Variants in PDCD1 observed in about 807,000 individuals in gnomAD.
PDCD1 encodes the protein programmed cell death 1.
In PDCD1, 10 loss-of-function variants were observed where a neutral mutation model predicts 23.6. The ratio of observed to expected loss-of-function variants is 0.42; its 90% CI spans 0.26 to 0.72. The LOEUF is 0.72. Ranked by LOEUF, PDCD1 falls within the 30% of genes least tolerant of loss-of-function variation. The pLI is 0.24. For synonymous variants in PDCD1, 168 were observed against 169.3 expected (o/e 0.99, Z 0.06); for missense variants, 313 against 397.8 (o/e 0.79, Z 1.81).
At chr2:241,853,453 T>C (rs1700951543) in intron 1 of PDCD1, among the ~76,000 whole-genome samples, 1 of 152,250 alleles carries the variant, frequency 6.6e-6, no homozygotes, top group Admixed American at 6.5e-5. Flanking sequence ...GGGTCCAGTC[T>C]TTGCCCCCTT....
rs138031190 is a variant in PDCD1 at position 241,852,644 on chromosome 2, A to T, written c.413T>A (p.Leu138Gln). The T allele has an allele frequency of 8.1e-5, 130 of 1,612,374 alleles. 1 individual carries two copies. In the African/African-American group the frequency reaches 1.5e-3, roughly 18 times the overall value. ...ACCTGTCACCCTGAGCTCTGCCCGC[A>T]GGCTCTCTTTGATCTGCGCCTTGGG... ...LAPKAQIKESLRAELRVTERR... is the reference protein window; with the variant it reads ...LAPKAQIKESQRAELRVTERR... The change falls in exon 2 of 5, where the codon CTG (leucine) becomes CAG (glutamine). Residue 138 changes from leucine (L) to glutamine (Q), a missense_variant. Around this residue, in one of 3 missense-constraint regions of PDCD1, gnomAD observed 20 missense variants for 53.3 expected, o/e 0.38. Coordinates refer to ENST00000334409, the MANE Select transcript of PDCD1 (RefSeq NM_005018.3).
chr2:241,852,481 C>A, intron 2 of PDCD1, 128 bp from the exon 3 acceptor site: 2 of 1,194,982 alleles, frequency 1.7e-6, no homozygotes, highest in East Asian at 2.5e-5. Context: ...TCACCATTCC[C>A]CAGGTGCAGG....
chr2:241,852,975 G>A lies in PDCD1; in HGVS notation c.82C>T (p.Pro28Ser), dbSNP rs750373757. 7.7e-6 allele frequency: 12 copies of A among 1,554,984 alleles called. No individual in the cohort carries two copies. The highest frequency in any genetic ancestry group is 1.0e-5 in the Non-Finnish European group (12 of 1,156,376). ...GWRPGWFLDS[P>S]DRPWNPPTFS... ...GTGGGGGGGTTCCAGGGCCTGTCTG[G>A]GGAGTCTGAGAGATGGAGAGAGGTG... The change falls in exon 2 of 5, where the codon CCA becomes TCA. Residue 28 changes from proline (P) to serine (S), a missense_variant. By Grantham distance (74) the Pro-to-Ser change is moderately conservative. Around this residue, in one of 3 missense-constraint regions of PDCD1, gnomAD observed 135 missense variants for 166.9 expected, o/e 0.81. Coordinates refer to ENST00000334409, the MANE Select transcript of PDCD1 (RefSeq NM_005018.3).
rs773454593 is a variant in PDCD1 at position 241,851,953 on chromosome 2, G to T, written c.623C>A (p.Pro208His). 1 of 1,613,714 alleles carries T rather than the reference G, an allele frequency of 6.2e-7. No homozygotes were observed. Among genetic ancestry groups the T allele is most frequent in the South Asian group, 1.1e-5 (1 of 91,072 alleles). The change falls in exon 4 of 5, where the codon CCC becomes CAC. Residue 208 changes from proline (P) to histidine (H), a missense_variant. Physicochemically the swap from Pro to His is moderately conservative, Grantham distance 77. Around this residue, in one of 3 missense-constraint regions of PDCD1, gnomAD observed 158 missense variants for 177.5 expected, o/e 0.89. Coordinates refer to ENST00000334409, the MANE Select transcript of PDCD1 (RefSeq NM_005018.3). ...CAGGAAAAGAGTGAGACTCACCAGG[G>T]GCTGGCCGGTGCGCCTGGCTCCTAT... Reference protein sequence around the residue: ...GTIGARRTGQPLKEDPSAVPV... With the variant: ...GTIGARRTGQHLKEDPSAVPV...
In PDCD1 at chr2:241,850,954, G is replaced by A. The variant is rs565440440; in HGVS notation, c.*104C>T. On this transcript the variant is annotated 3_prime_UTR_variant, in exon 5 of 5. Transcript: ENST00000334409. ...TCGCCCCCAGGCAGCTCAGCCCCTG[G>A]ACGGCCTGCAATGGCCTGCACCCTG... 6.9e-7 allele frequency: 1 copy of A among 1,441,182 alleles called. No individual in the cohort carries two copies. The highest frequency in any genetic ancestry group is 1.4e-5 in the African/African-American group (1 of 70,368). The allele number at this position is 1,441,182 out of a possible 1,614,324, so 89.3% of individuals were successfully genotyped here.
Position 241,852,200 on chromosome 2 carries a change from C to A in PDCD1, c.590G>T (p.Arg197Leu). ...CCGAGGGGCTGGGATGACGTTACCT[C>A]GTGCGGCCCGGGAGCAGATGACGGC... ...VLAVICSRAA[R>L]GTIGARRTGQ... The change falls in exon 3 of 5, where the codon CGA becomes CTA. Residue 197 changes from arginine to leucine, a missense_variant and splice_region_variant. Physicochemically the swap from Arg to Leu is moderately radical, Grantham distance 102. Coordinates refer to ENST00000334409, the MANE Select transcript of PDCD1 (RefSeq NM_005018.3). 1 of 1,608,402 alleles carries A rather than the reference C, an allele frequency of 6.2e-7. No homozygotes were observed. Among genetic ancestry groups the A allele is most frequent in the Non-Finnish European group, 8.5e-7 (1 of 1,178,704 alleles).
At chr2:241,858,733 C>G (rs774590221) in intron 1 of PDCD1, 30 bp downstream of exon 1, 1 of 1,556,314 alleles carries the variant, frequency 6.4e-7, no homozygotes, top group East Asian at 2.4e-5. Context: ...ACCCCTGGCT[C>G]TGGGACACCT....
rs148456597 is a variant in PDCD1 at position 241,851,954 on chromosome 2, G to C, written c.622C>G (p.Pro208Ala). ...AGGAAAAGAGTGAGACTCACCAGGGGCTGGCCGGTGCGCCTGGCTCCTATT... is the reference window on the plus strand; with the variant it reads ...AGGAAAAGAGTGAGACTCACCAGGGCCTGGCCGGTGCGCCTGGCTCCTATT... ...GTIGARRTGQ[P>A]LKEDPSAVPV... The change falls in exon 4 of 5, where the codon CCC (proline) becomes GCC (alanine). Residue 208 changes from proline to alanine, a missense_variant. By Grantham distance (27) the Pro-to-Ala change is conservative. Coordinates refer to ENST00000334409, the MANE Select transcript of PDCD1 (RefSeq NM_005018.3). 1.2e-6 allele frequency: 2 copies of C among 1,613,694 alleles called. No individual in the cohort carries two copies. The highest frequency in any genetic ancestry group is 1.3e-5 in the African/African-American group (1 of 75,034).
chr2:241,858,624 C>T, intron 1 of PDCD1, 139 bp downstream of exon 1: 1 of 728,784 alleles, frequency 1.4e-6, no homozygotes, highest in Non-Finnish European at 2.4e-6. Flanking sequence ...GTGAAAGGTC[C>T]CTCCAGACCC....
intron 3 of PDCD1, 33 bp from the exon 4 acceptor site, chr2:241,852,016 G>A (rs367546179): frequency 4.5e-4 from 722 of 1,590,022 alleles, no homozygotes; most frequent in Non-Finnish European, 5.7e-4. Flanking sequence ...TCACCAGGCC[G>A]ACCCTGAGCC....
At chr2:241,853,749 C>G (rs1446910484) in intron 1 of PDCD1, among the ~76,000 whole-genome samples, 1 of 152,392 alleles carries the variant, frequency 6.6e-6, no homozygotes, top group African/African-American at 2.4e-5. Context: ...GCGGAGGCAC[C>G]AACACAGGCG....
In PDCD1 at chr2:241,858,809, G is replaced by C. The variant is rs770292819; in HGVS notation, c.30C>G (p.Val10=). 6 of 1,589,094 alleles carry C rather than the reference G, an allele frequency of 3.8e-6. No homozygotes were observed. In the African/African-American group the frequency reaches 6.7e-5, roughly 18 times the overall value. Residue 10 remains valine (V), a synonymous_variant, in exon 1 of 5, where the codon GTC becomes GTG. Transcript: ENST00000334409. ...AGCCCAGTTGTAGCACCGCCCAGAC[G>C]ACTGGCCAGGGCGCCTGTGGGATCT... MQIPQAPWP[V]VWAVLQLGWR... is the part of the protein sequence containing the mutation.
chr2:241,856,616 C>T (rs1405841495), intron 1 of PDCD1, among the ~76,000 whole-genome samples: 1 of 151,926 alleles, frequency 6.6e-6, no homozygotes, highest in Non-Finnish European at 1.5e-5. Flanking sequence ...GTGGGAGGAC[C>T]ATTTGAGCCC....
chr2:241,851,771 T>C (rs1382336735), intron 4 of PDCD1, among the ~76,000 whole-genome samples, 178 bp downstream of exon 4: 1 of 151,950 alleles, frequency 6.6e-6, no homozygotes, highest in Non-Finnish European at 1.5e-5. Context: ...GCAGGTGGGC[T>C]GGGGCCCCAG....
chr2:241,850,805 A>G lies in PDCD1; in HGVS notation c.*253T>C. 3.2e-6 allele frequency: 2 copies of G among 624,808 alleles called. No homozygotes were observed. Among genetic ancestry groups the G allele is most frequent in the Non-Finnish European group, 5.7e-6 (2 of 348,652 alleles). 38.7% of individuals were successfully genotyped at this position (624,808 alleles called of 1,614,324 possible). A position where few individuals can be genotyped will look rare whatever the true frequency, so the allele number is the denominator to read the frequency against. On this transcript the variant is annotated 3_prime_UTR_variant, in exon 5 of 5. Transcript: ENST00000334409. ...GCTCTGTGCTGGCAGGACCTGAAGC[A>G]GTGACTGCATCTGGCCCTCCCTGTA... is the stretch of plus-strand genomic sequence containing the variant.
rs1458608677 is a variant in PDCD1 at position 241,852,797 on chromosome 2, C to T, written c.260G>A (p.Ser87Asn). The T allele has an allele frequency of 1.9e-6, 3 of 1,613,652 alleles. No individual in the cohort carries two copies. Among genetic ancestry groups the T allele is most frequent in the Non-Finnish European group, 2.5e-6 (3 of 1,180,018 alleles). ...GAAGCGGCAGTCCTGGCCGGGCTGGCTGCGGTCCTCGGGGAAGGCGGCCAG... is the reference window on the plus strand; with the variant it reads ...GAAGCGGCAGTCCTGGCCGGGCTGGTTGCGGTCCTCGGGGAAGGCGGCCAG... ...DKLAAFPEDR[S>N]QPGQDCRFRV... Residue 87 changes from serine to asparagine, a missense_variant, in exon 2 of 5, where the codon AGC becomes AAC. By Grantham distance (46) the Ser-to-Asn change is conservative. This residue lies in a region of PDCD1 where 135 missense variants were observed against 166.9 expected (regional missense o/e 0.81). Coordinates refer to ENST00000334409, the MANE Select transcript of PDCD1 (RefSeq NM_005018.3).
intron 1 of PDCD1, among the ~76,000 whole-genome samples, chr2:241,857,631 C>T (rs1026667972): frequency 6.6e-6 from 1 of 152,232 alleles, no homozygotes; most frequent in Non-Finnish European, 1.5e-5. Flanking sequence ...ACGGGCCAAC[C>T]TTAAGAGGTG....
intron 1 of PDCD1, among the ~76,000 whole-genome samples, chr2:241,857,850 T>C (rs1701059205): frequency 6.6e-6 from 1 of 152,032 alleles, no homozygotes; most frequent in Admixed American, 6.6e-5. Flanking sequence ...CACACCCCGG[T>C]ACCCAGCAGG....
chr2:241,855,757 G>T, intron 1 of PDCD1, among the ~76,000 whole-genome samples: 1 of 152,238 alleles, frequency 6.6e-6, no homozygotes, highest in East Asian at 1.9e-4. Context: ...TAGGGACAAG[G>T]AAACCGTCCC....
Sources: gnomAD v4.1 joint callset for allele counts (sites outside exome capture counted in the v4.1 genomes callset) on GRCh38, gnomAD v4.1.1 for gene constraint, gnomAD v4.1.1 regional missense constraint, MANE v1.5 for transcripts, NCBI Gene and HGNC (gene_info 2026-07-23, HGNC 2026-07-21) for gene names.